Variants in CYREN observed in about 807,000 individuals in gnomAD.
CYREN encodes the protein cell cycle regulator of non-homologous end joining.
In CYREN, 7 loss-of-function variants were observed where a neutral mutation model predicts 9.7. The observed-to-expected ratio is 0.72, with a 90% CI of 0.41 to 1.36. The LOEUF is 1.36. Ranked by LOEUF, CYREN falls within the 40% of genes most tolerant of loss-of-function variation. The pLI, the probability that CYREN is intolerant of heterozygous loss-of-function variation, is 0.01. For synonymous variants in CYREN, 76 were observed against 77.9 expected, an observed-to-expected ratio of 0.98 and a Z score of 0.13; for missense variants, 215 against 198.1, an observed-to-expected ratio of 1.09 and a Z score of -0.51.
intron 2 of CYREN, among the ~76,000 whole-genome samples, chr7:135,105,054 T>C (rs569485600): frequency 1.4e-5 from 2 of 147,368 alleles, no homozygotes; most frequent in Non-Finnish European, 3.0e-5. Flanking sequence ...TTTATAGTTT[T>C]GGGTTTTACA....
intron 2 of CYREN, among the ~76,000 whole-genome samples, chr7:135,108,231 T>C (rs1825061425): frequency 6.6e-6 from 1 of 152,196 alleles, no homozygotes. Context: ...TTAGTATTGA[T>C]ATGTGTGGAT....
intron 2 of CYREN, among the ~76,000 whole-genome samples, chr7:135,099,312 T>C (rs1431850735): frequency 6.6e-6 from 1 of 152,162 alleles, no homozygotes; most frequent in East Asian, 1.9e-4. Flanking sequence ...TTGTTTGCTG[T>C]TCTCTTGAAA....
intron 2 of CYREN, among the ~76,000 whole-genome samples, chr7:135,104,363 A>G (rs117875121): frequency 0.014 from 2,172 of 152,304 alleles, 22 homozygotes; most frequent in Non-Finnish European, 0.024. Context: ...TATTCACAAT[A>G]GCAATGAATA....
rs1216862342 is a variant in CYREN, at chr7:135,168,789, GCTGCTGCCACTGGCA to G, written c.119_133del (p.Val40_Ala44del). 1 of 1,613,878 alleles carries G rather than the reference GCTGCTGCCACTGGCA, an allele frequency of 6.2e-7. No individual in the cohort carries two copies. Among genetic ancestry groups the G allele is most frequent in the Non-Finnish European group, 8.5e-7 (1 of 1,179,898 alleles). ...CTTCTGACCAGAGCTGTCGCACCTT[GCTGCTGCCACTGGCA>G]CTGCTGCCATTCTCATCCTCTTGGG... On this transcript the variant is annotated inframe_deletion, in exon 2 of 4. Transcript: ENST00000393114.
intron 2 of CYREN, among the ~76,000 whole-genome samples, chr7:135,097,362 A>C (rs1823061230): frequency 6.6e-6 from 1 of 152,120 alleles, no homozygotes; most frequent in South Asian, 2.1e-4. Context: ...GCTTTTAGGT[A>C]CTTTGATTTG....
intron 2 of CYREN, among the ~76,000 whole-genome samples, chr7:135,124,875 A>T (rs1827643576): frequency 6.6e-6 from 1 of 152,204 alleles, no homozygotes; most frequent in Non-Finnish European, 1.5e-5. Context: ...AATGTACCAC[A>T]ATCTCTGGGA....
Position 135,098,068 on chromosome 7 carries a change from G to A in CYREN, n.357-3486C>T, listed in dbSNP as rs577945915. ...GGAGACCCTACATGATGAATTTATA[G>A]ATGCAAAGGGCCTAAATGACAAACA... On this transcript the variant is annotated intron_variant and non_coding_transcript_variant, in intron 2 of 2. Transcript: ENST00000459937. Among the ~76,000 whole-genome samples, 5 of 152,234 alleles carry A rather than the reference G, an allele frequency of 3.3e-5. No individual in the cohort carries two copies. In the East Asian group the frequency reaches 9.6e-4, roughly 29 times the overall value.
intron 2 of CYREN, among the ~76,000 whole-genome samples, chr7:135,121,565 A>T (rs1289933272): frequency 6.6e-6 from 1 of 152,184 alleles, no homozygotes; most frequent in Non-Finnish European, 1.5e-5. Flanking sequence ...AAAAAAAAAA[A>T]AACCTAAACA....
intron 2 of CYREN, among the ~76,000 whole-genome samples, chr7:135,156,220 G>A (rs942244520): frequency 1.3e-5 from 2 of 152,224 alleles, no homozygotes; most frequent in East Asian, 1.9e-4. Context: ...ATGCCATGGT[G>A]AGGTCCTTTT....
chr7:135,107,018 T>A (rs1180928174), intron 2 of CYREN, among the ~76,000 whole-genome samples: 1 of 152,204 alleles, frequency 6.6e-6, no homozygotes, highest in Non-Finnish European at 1.5e-5. Flanking sequence ...TTCATAGTAG[T>A]CTCTGATTAT....
chr7:135,138,544 AC>A (rs1829396527), intron 2 of CYREN, among the ~76,000 whole-genome samples: 1 of 152,046 alleles, frequency 6.6e-6, no homozygotes, highest in South Asian at 2.1e-4. Flanking sequence ...GAATTGATAT[AC>A]TAAAATAGGA....
Position 135,107,967 on chromosome 7 carries a change from T to C in CYREN, n.357-13385A>G, listed in dbSNP as rs117528305. 2.3e-4 allele frequency among the ~76,000 whole-genome samples: 35 copies of C among 152,284 alleles called. No individual in the cohort carries two copies. The East Asian group carries it at 4.6e-3, about 20-fold the overall frequency. ...TTGAGCCCTGATTACCATTATGTAATGTCTTTATCTTTTTTTTTTATCTTT... is the reference window on the plus strand; with the variant it reads ...TTGAGCCCTGATTACCATTATGTAACGTCTTTATCTTTTTTTTTTATCTTT... On this transcript the variant is annotated intron_variant and non_coding_transcript_variant, in intron 2 of 2. Transcript: ENST00000459937.
intron 2 of CYREN, among the ~76,000 whole-genome samples, chr7:135,110,916 C>T (rs1260845231): frequency 6.6e-6 from 1 of 152,108 alleles, no homozygotes; most frequent in African/African-American, 2.4e-5. Flanking sequence ...ATTACAGAGC[C>T]CTGCTGGAGA....
intron 2 of CYREN, among the ~76,000 whole-genome samples, chr7:135,160,069 C>A (rs927420099): frequency 6.6e-6 from 1 of 152,170 alleles, no homozygotes; most frequent in South Asian, 2.1e-4. Flanking sequence ...GGAACCATTT[C>A]TAGTTCACAT....
chr7:135,111,203 G>A (rs1213484033), intron 2 of CYREN, among the ~76,000 whole-genome samples: 1 of 151,932 alleles, frequency 6.6e-6, no homozygotes. Flanking sequence ...TCTGTTTAAG[G>A]TTAATTCATT....
intron 2 of CYREN, among the ~76,000 whole-genome samples, chr7:135,112,148 C>T (rs1042194763): frequency 1.3e-5 from 2 of 152,196 alleles, no homozygotes; most frequent in African/African-American, 2.4e-5. Context: ...TCTCTTCATC[C>T]TAATGCTACC....
At chr7:135,102,051 A>G (rs1207028206) in intron 2 of CYREN, among the ~76,000 whole-genome samples, 1 of 152,196 alleles carries the variant, frequency 6.6e-6, no homozygotes, top group Admixed American at 6.5e-5. Context: ...CCCTAGCCAC[A>G]TAGAATCGTG....
At chr7:135,129,384 A>G in intron 2 of CYREN, 1 of 849,288 alleles carries the variant, frequency 1.2e-6, no homozygotes, top group Middle Eastern at 3.1e-4. Context: ...GGCCAATAAA[A>G]GACTTTTGGA....
intron 2 of CYREN, among the ~76,000 whole-genome samples, chr7:135,142,045 T>C (rs1011153132): frequency 1.3e-5 from 2 of 152,174 alleles, no homozygotes; most frequent in African/African-American, 4.8e-5. Context: ...GGGTGTTCTG[T>C]AGATGTCTGT....
Sources: allele counts gnomAD v4.1 joint callset (sites outside exome capture counted in the v4.1 genomes callset), GRCh38; gene constraint gnomAD v4.1.1; transcripts MANE v1.5; gene names NCBI Gene and HGNC (gene_info 2026-07-23, HGNC 2026-07-21).